Variants in DYNC1I1 observed in about 807,000 individuals in gnomAD.
DYNC1I1 encodes the protein cytoplasmic dynein 1 intermediate chain 1.
DYNC1I1 carries 43 observed loss-of-function variants against 86.6 expected under a neutral mutation model. The ratio of observed to expected loss-of-function variants is 0.50; its 90% confidence interval spans 0.39 to 0.64. The LOEUF (loss-of-function observed/expected upper bound fraction) is 0.64. Among genes scored for constraint, DYNC1I1 ranks in the 30% least tolerant of loss-of-function variants. The probability of loss-of-function intolerance (pLI) is 0.00; values close to 1 mark genes in which losing one functional copy is unlikely to be tolerated. For missense variants in DYNC1I1, 604 were observed against 788.8 expected, an observed-to-expected ratio of 0.77 and a Z score of 2.81; for synonymous variants, 262 against 283.7, an observed-to-expected ratio of 0.92 and a Z score of 0.77.
chr7:96,084,449 T>C (rs998080915), intron 16 of DYNC1I1, among the ~76,000 whole-genome samples: 27 of 148,126 alleles, frequency 1.8e-4, no homozygotes, highest in Admixed American at 1.6e-3. Context: ...TTTCTTTTTT[T>C]TTTTTTTTTT....
At chr7:96,080,925 T>C (rs42081) in intron 16 of DYNC1I1, among the ~76,000 whole-genome samples, 133,556 of 151,852 alleles carry the variant, frequency 0.88, 58,897 homozygotes, top group East Asian at 0.98. Flanking sequence ...CAAAAATTAG[T>C]CGGGCATGGT....
chr7:95,893,062 A>T (rs1221821054), intron 6 of DYNC1I1, among the ~76,000 whole-genome samples: 1 of 152,062 alleles, frequency 6.6e-6, no homozygotes, highest in Non-Finnish European at 1.5e-5. Context: ...GTCTTTATAT[A>T]TTTTGGCACA....
At position 96,097,727 on chromosome 7, in the gene DYNC1I1, C is replaced by A. The variant is rs543916294; in HGVS notation, c.*134C>A. 289 of 1,426,622 alleles carry A rather than the reference C, an allele frequency of 2.0e-4. 2 individuals are homozygous for A. The South Asian group carries it at 4.1e-3, about 20-fold the overall frequency. The allele number at this position is 1,426,622 out of a possible 1,614,324, so 88.4% of individuals were successfully genotyped here. A position where few individuals can be genotyped will look rare whatever the true frequency, so the allele number is the denominator to read the frequency against. On this transcript the variant is annotated 3_prime_UTR_variant, in exon 17 of 17. Transcript: ENST00000447467. ...TATTTTGGGTGCCATATTGTGCCAG[C>A]TTTGCTCCAAGTATTCTAAATGTGT... is the stretch of plus-strand genomic sequence containing the variant.
intron 14 of DYNC1I1, 95 bp from the exon 15 acceptor site, chr7:96,075,962 C>T (rs1790323296): frequency 1.3e-6 from 2 of 1,505,932 alleles, no homozygotes; most frequent in Admixed American, 4.0e-5. Context: ...AGTTTTATGA[C>T]ACTTTGTGAA....
intron 14 of DYNC1I1, among the ~76,000 whole-genome samples, chr7:96,069,499 A>G (rs1790099543): frequency 6.6e-6 from 1 of 152,234 alleles, no homozygotes; most frequent in African/African-American, 2.4e-5. Context: ...TGTAAGAGGT[A>G]ATTCAAAAGA....
intron 16 of DYNC1I1, among the ~76,000 whole-genome samples, chr7:96,106,529 C>T (rs1237834785): frequency 1.3e-5 from 2 of 151,886 alleles, no homozygotes; most frequent in Non-Finnish European, 2.9e-5. Flanking sequence ...GAGCGAAACC[C>T]TGTCTCAAAA....
chr7:96,078,002 T>C (rs1166797742), intron 15 of DYNC1I1, among the ~76,000 whole-genome samples: 1 of 152,208 alleles, frequency 6.6e-6, no homozygotes, highest in Non-Finnish European at 1.5e-5. Flanking sequence ...TAGAGATACA[T>C]TGAGTCCAGC....
rs146983718 is a variant in DYNC1I1, at chr7:95,924,080, C to T, written c.491-53432C>T. ...TTTCCCCATTGGAGTGTGATGTCATCGACCTATTGGAAAGCATACATGGGC... is the reference window on the plus strand; with the variant it reads ...TTTCCCCATTGGAGTGTGATGTCATTGACCTATTGGAAAGCATACATGGGC... On this transcript the variant is annotated intron_variant, in intron 6 of 16. Coordinates refer to ENST00000447467, the MANE Select transcript of DYNC1I1 (RefSeq NM_001135556.2). Among the ~76,000 whole-genome samples, 294 of 152,122 alleles carry T rather than the reference C, an allele frequency of 1.9e-3. 1 individual carries two copies. Among genetic ancestry groups the T allele is most frequent in the African/African-American group, 6.7e-3 (280 of 41,516 alleles).
intron 5 of DYNC1I1, among the ~76,000 whole-genome samples, chr7:95,850,510 GAT>G (rs150205839): frequency 0.039 from 5,992 of 152,216 alleles, 184 homozygotes; most frequent in Non-Finnish European, 0.062. Flanking sequence ...CTATGTGGAG[GAT>G]ATGTTTCAAG....
intron 16 of DYNC1I1, 127 bp downstream of exon 16, chr7:96,080,615 G>C: frequency 6.6e-7 from 1 of 1,507,048 alleles, no homozygotes; most frequent in South Asian, 1.2e-5. Flanking sequence ...AATTTCCATT[G>C]ACTTCAATGC....
intron 5 of DYNC1I1, among the ~76,000 whole-genome samples, chr7:95,860,716 A>T (rs956442102): frequency 3.3e-5 from 5 of 152,188 alleles, no homozygotes; most frequent in African/African-American, 7.2e-5. Flanking sequence ...GTCCAAGAAC[A>T]AGGTACTGGC....
At chr7:95,913,833 T>A (rs7780193) in intron 6 of DYNC1I1, among the ~76,000 whole-genome samples, 12,401 of 152,284 alleles carry the variant, frequency 0.081, 723 homozygotes, top group African/African-American at 0.17. Flanking sequence ...TTGTGCTTCC[T>A]AATCTTTTTG....
intron 4 of DYNC1I1, among the ~76,000 whole-genome samples, chr7:95,820,671 A>G (rs2690289): frequency 0.52 from 79,728 of 152,158 alleles, 21,687 homozygotes; most frequent in African/African-American, 0.68. Flanking sequence ...AAGTTACTAA[A>G]TTCACTTGGT....
intron 16 of DYNC1I1, among the ~76,000 whole-genome samples, chr7:96,106,471 G>A (rs565415419): frequency 2.0e-5 from 3 of 152,112 alleles, no homozygotes; most frequent in South Asian, 2.1e-4. Context: ...AGAGGCGGAG[G>A]TTAAAGTGAG....
chr7:96,103,119 C>T (rs927635941), downstream of DYNC1I1, among the ~76,000 whole-genome samples: 2 of 152,160 alleles, frequency 1.3e-5, no homozygotes, highest in African/African-American at 4.8e-5. Context: ...TCCATGCTTG[C>T]ATACGTGGCC....
chr7:96,053,977 GCTTT>G (rs894970601), intron 14 of DYNC1I1, among the ~76,000 whole-genome samples: 2 of 152,038 alleles, frequency 1.3e-5, no homozygotes, highest in African/African-American at 2.4e-5. Context: ...AATTTTTTAA[GCTTT>G]CTTTTTTTAT....
chr7:96,025,410 C>T (rs891154077), intron 10 of DYNC1I1, among the ~76,000 whole-genome samples: 1 of 151,498 alleles, frequency 6.6e-6, no homozygotes, highest in African/African-American at 2.4e-5. Context: ...ATAACTATAC[C>T]TCATCTTCCA....
downstream of DYNC1I1, among the ~76,000 whole-genome samples, chr7:96,100,650 TTGTGTGTGTGTG>T (rs57129262): frequency 7.0e-6 from 1 of 142,848 alleles, no homozygotes; most frequent in Non-Finnish European, 1.5e-5. Flanking sequence ...TTTGAGGGTT[TTGTGTGTGTGTG>T]TGTGTGTGTG....
intron 6 of DYNC1I1, 23 bp from the exon 7 acceptor site, chr7:95,977,489 A>G (rs376286232): frequency 1.2e-6 from 2 of 1,605,942 alleles, no homozygotes; most frequent in African/African-American, 2.7e-5. Context: ...AAAATATTGT[A>G]TTTTTCTCTT....
Sources: gnomAD v4.1 joint callset for allele counts (sites outside exome capture counted in the v4.1 genomes callset) on GRCh38, gnomAD v4.1.1 for gene constraint, MANE v1.5 for transcripts, NCBI Gene and HGNC (gene_info 2026-07-23, HGNC 2026-07-21) for gene names.